Variants in CCDC7 observed in about 807,000 individuals in gnomAD.
The protein encoded by CCDC7 is coiled-coil domain containing 7, also known as coiled-coil domain-containing protein 7.
A neutral mutation model predicts 196.9 loss-of-function variants in CCDC7; 183 were observed. That is an observed-to-expected ratio of 0.93 (90% CI 0.82 to 1.05). CCDC7 has a LOEUF of 1.05. CCDC7 is among the 50% of genes least tolerant of loss of function. CCDC7 has a pLI of 0.00. For synonymous variants in CCDC7, 525 were observed against 484.6 expected, an observed-to-expected ratio of 1.08 and a Z score of -1.10; for missense variants, 1,540 against 1,482.2, an observed-to-expected ratio of 1.04 and a Z score of -0.64.
intron 21 of CCDC7, among the ~76,000 whole-genome samples, chr10:32,664,837 G>T (rs2072296661): frequency 6.6e-6 from 1 of 152,046 alleles, no homozygotes; most frequent in Admixed American, 6.6e-5. Context: ...ATCCAGAGGT[G>T]AAATTGTGGA....
intron 24 of CCDC7, among the ~76,000 whole-genome samples, chr10:32,711,214 G>A (rs114350201): frequency 0.046 from 6,899 of 151,278 alleles, 528 homozygotes; most frequent in African/African-American, 0.16. Context: ...GTGTGTGTGT[G>A]TATATATATA....
chr10:32,876,076 T>C (rs2094588923), intron 41 of CCDC7, among the ~76,000 whole-genome samples: 1 of 151,984 alleles, frequency 6.6e-6, no homozygotes, highest in Non-Finnish European at 1.5e-5. Context: ...TGGGTTCAGG[T>C]CCAGAAATCT....
At chr10:32,844,289 T>C (rs1272181921) in intron 33 of CCDC7, among the ~76,000 whole-genome samples, 1 of 152,002 alleles carries the variant, frequency 6.6e-6, no homozygotes, top group African/African-American at 2.4e-5. Flanking sequence ...CTTATGCTAC[T>C]ACAAGTTTAC....
At chr10:32,485,851 G>A (rs1483941254) in intron 8 of CCDC7, among the ~76,000 whole-genome samples, 1 of 152,144 alleles carries the variant, frequency 6.6e-6, no homozygotes, top group Non-Finnish European at 1.5e-5. Context: ...ATTGCACTGT[G>A]GTCTGAGAGA....
At chr10:32,701,031 A>G (rs973755016) in intron 24 of CCDC7, among the ~76,000 whole-genome samples, 1 of 152,164 alleles carries the variant, frequency 6.6e-6, no homozygotes, top group African/African-American at 2.4e-5. Flanking sequence ...TCTTTTCCTA[A>G]TTGAATATCC....
In CCDC7 at chr10:32,824,534, G is replaced by C. The variant is rs1411195459; in HGVS notation, c.3198G>C (p.Leu1066Phe). The C allele has an allele frequency of 2.5e-6, 4 of 1,608,816 alleles. No homozygotes were observed. The East Asian group carries it at 8.9e-5, about 36-fold the overall frequency. Residue 1066 changes from leucine (L) to phenylalanine (F), a missense_variant, in exon 32 of 42, where the codon TTG (leucine) becomes TTC (phenylalanine). Transcript: ENST00000639629. ...TTTTTATAGAGACTGATGAACGATTGCATAGTACAACTGAGAGAGGTACAA... is the reference window on the plus strand; with the variant it reads ...TTTTTATAGAGACTGATGAACGATTCCATAGTACAACTGAGAGAGGTACAA...
chr10:32,864,372 C>G (rs767118141), intron 41 of CCDC7, among the ~76,000 whole-genome samples: 3 of 151,260 alleles, frequency 2.0e-5, no homozygotes, highest in Non-Finnish European at 4.4e-5. Context: ...GGGACAATGC[C>G]TTTTTCAAAA....
chr10:32,727,185 C>T (rs926958136), intron 26 of CCDC7, among the ~76,000 whole-genome samples: 1 of 152,062 alleles, frequency 6.6e-6, no homozygotes, highest in South Asian at 2.1e-4. Context: ...TTGTTCTTCC[C>T]TAGGCTTCAG....
At chr10:32,564,548 A>G (rs2056423486) in intron 13 of CCDC7, among the ~76,000 whole-genome samples, 2 of 151,960 alleles carry the variant, frequency 1.3e-5, no homozygotes, top group African/African-American at 2.4e-5. Flanking sequence ...AACTATCGCA[A>G]GAACAAAAAA....
chr10:32,575,851 G>A (rs778646523), intron 16 of CCDC7, among the ~76,000 whole-genome samples: 24 of 152,132 alleles, frequency 1.6e-4, no homozygotes, highest in Non-Finnish European at 3.1e-4. Context: ...ACCTGGTTCT[G>A]AGCATACCAA....
chr10:32,477,048 A>G (rs1042485772), intron 8 of CCDC7, among the ~76,000 whole-genome samples: 2 of 117,292 alleles, frequency 1.7e-5, no homozygotes, highest in African/African-American at 6.1e-5. Flanking sequence ...GAGCCAGAAT[A>G]AAGTCAAACT....
intron 20 of CCDC7, among the ~76,000 whole-genome samples, chr10:32,660,640 C>T (rs2071143307): frequency 6.6e-6 from 1 of 151,564 alleles, no homozygotes; most frequent in African/African-American, 2.4e-5. Context: ...GGTATATACC[C>T]AGTAATGGGA....
At chr10:32,669,820 G>C (rs527253098) in intron 21 of CCDC7, among the ~76,000 whole-genome samples, 1 of 151,820 alleles carries the variant, frequency 6.6e-6, no homozygotes, top group African/African-American at 2.4e-5. Context: ...TGTTGTTGTT[G>C]TCCATAATTC....
At chr10:32,573,023 G>C (rs567489774) in intron 16 of CCDC7, among the ~76,000 whole-genome samples, 12 of 152,006 alleles carry the variant, frequency 7.9e-5, no homozygotes, top group African/African-American at 2.2e-4. Flanking sequence ...GATTACAGGC[G>C]TCCACCACCA....
At chr10:32,793,374 G>GA in intron 29 of CCDC7, among the ~76,000 whole-genome samples, 1 of 152,114 alleles carries the variant, frequency 6.6e-6, no homozygotes, top group East Asian at 1.9e-4. Flanking sequence ...GGAAAGAAGT[G>GA]AAAAATATAA....
intron 21 of CCDC7, among the ~76,000 whole-genome samples, chr10:32,673,236 GT>G (rs578122632): frequency 6.0e-5 from 9 of 151,034 alleles, no homozygotes; most frequent in Admixed American, 1.3e-4. Flanking sequence ...GATGCCTCCA[GT>G]TTTTTTTTCT....
chr10:32,605,918 C>T (rs2061514748), intron 18 of CCDC7, among the ~76,000 whole-genome samples: 1 of 152,148 alleles, frequency 6.6e-6, no homozygotes, highest in Non-Finnish European at 1.5e-5. Context: ...ATTTGCATAG[C>T]AAAAAGGGAG....
intron 25 of CCDC7, among the ~76,000 whole-genome samples, chr10:32,724,339 G>T (rs996415074): frequency 2.0e-5 from 3 of 152,032 alleles, no homozygotes; most frequent in African/African-American, 7.2e-5. Flanking sequence ...TGTATTTACT[G>T]GTCAACTCTG....
chr10:32,551,610 C>T (rs2053489770), intron 13 of CCDC7, among the ~76,000 whole-genome samples: 1 of 152,060 alleles, frequency 6.6e-6, no homozygotes, highest in African/African-American at 2.4e-5. Context: ...TATTGTCATT[C>T]AGTTCGAAGA....
Sources: gnomAD v4.1 joint callset for allele counts (sites outside exome capture counted in the v4.1 genomes callset) on GRCh38, gnomAD v4.1.1 for gene constraint, MANE v1.5 for transcripts, NCBI Gene and HGNC (gene_info 2026-07-23, HGNC 2026-07-21) for gene names.